CLMN: variants seen among roughly 807,000 people sequenced by gnomAD.
The protein encoded by CLMN is calmin (calponin-like, transmembrane).
CLMN carries 57 observed loss-of-function variants against 92.7 expected under a neutral mutation model. The ratio of observed to expected loss-of-function variants is 0.61; its 90% CI spans 0.50 to 0.77. The LOEUF (loss-of-function observed/expected upper bound fraction) is 0.77. Ranked by LOEUF, CLMN falls within the 30% of genes least tolerant of loss-of-function variation. The pLI, the probability that CLMN is intolerant of heterozygous loss-of-function variation, is 0.00. For missense variants in CLMN, 1,158 were observed against 1,237.5 expected (o/e 0.94, Z 0.96); for synonymous variants, 466 against 470.6 (o/e 0.99, Z 0.13).
intron 10 of CLMN, among the ~76,000 whole-genome samples, chr14:95,196,074 T>C (rs554942853): frequency 6.6e-6 from 1 of 152,346 alleles, no homozygotes; most frequent in Non-Finnish European, 1.5e-5. Context: ...ATTAATGGTC[T>C]CCTTGGTGGA....
At chr14:95,223,570 A>T (rs1308134112) in intron 3 of CLMN, among the ~76,000 whole-genome samples, 190 bp downstream of exon 3, 2 of 152,208 alleles carry the variant, frequency 1.3e-5, no homozygotes, top group African/African-American at 4.8e-5. Context: ...TTTCTAAAAT[A>T]CATTGGCTTA....
intron 1 of CLMN, among the ~76,000 whole-genome samples, chr14:95,249,732 C>G (rs1898710439): frequency 6.6e-6 from 1 of 152,142 alleles, no homozygotes; most frequent in Admixed American, 6.5e-5. Context: ...GCTGGGACTA[C>G]AGGCGTGCAC....
At chr14:95,261,624 C>T (rs139017502) in intron 1 of CLMN, among the ~76,000 whole-genome samples, 340 of 152,344 alleles carry the variant, frequency 2.2e-3, no homozygotes, top group African/African-American at 7.8e-3. Flanking sequence ...TGAGCAGTCA[C>T]TCTCAGCAGT....
Position 95,193,887 on chromosome 14 carries a change from T to C in CLMN, c.2802A>G (p.Ala934=), listed in dbSNP as rs766786664. The change falls in exon 12 of 13, where the codon GCA becomes GCG. Residue 934 remains alanine (A), a synonymous_variant. Coordinates refer to ENST00000298912, the MANE Select transcript of CLMN (RefSeq NM_024734.4). ...GGTTTCTTCTGTCATCCAGATCTGC[T>C]GCGTTCCTCAACTGAACATAGCTAA... is the stretch of plus-strand genomic sequence containing the variant. ...DHFSYVQLRN[A]ADLDDRRNRI... 6.2e-7 allele frequency: 1 copy of C among 1,614,178 alleles called. No individual in the cohort carries two copies. The highest frequency in any genetic ancestry group is 2.2e-5 in the East Asian group (1 of 44,876).
chr14:95,227,484 C>G (rs928097587), intron 2 of CLMN, among the ~76,000 whole-genome samples: 1 of 152,166 alleles, frequency 6.6e-6, no homozygotes, highest in African/African-American at 2.4e-5. Context: ...GCAGAAAACG[C>G]GAGACCCGAA....
At chr14:95,233,332 CACCCATCCATCCATCCACCT>C (rs1897947997) in intron 1 of CLMN, among the ~76,000 whole-genome samples, 1 of 151,936 alleles carries the variant, frequency 6.6e-6, no homozygotes. Context: ...TCCCTCCATC[CACCCATCCATCCATCCACCT>C]ACCCATCCAT....
At chr14:95,229,144 A>G (rs1897804417) in intron 2 of CLMN, among the ~76,000 whole-genome samples, 1 of 152,154 alleles carries the variant, frequency 6.6e-6, no homozygotes. Flanking sequence ...TCAACTTTCT[A>G]AAAAAGAGAA....
chr14:95,244,600 C>T (rs1898387303), intron 1 of CLMN, among the ~76,000 whole-genome samples: 1 of 152,160 alleles, frequency 6.6e-6, no homozygotes, highest in Non-Finnish European at 1.5e-5. Flanking sequence ...TTTCAGGCTG[C>T]TAAAAAATCC....
At chr14:95,288,886 C>A (rs1480762931) in intron 1 of CLMN, among the ~76,000 whole-genome samples, 16 of 152,212 alleles carry the variant, frequency 1.1e-4, no homozygotes, top group Admixed American at 1.0e-3. Context: ...AGAATTAACT[C>A]ACAACTTGCA....
intron 1 of CLMN, among the ~76,000 whole-genome samples, chr14:95,272,117 T>C (rs1899733221): frequency 6.6e-6 from 1 of 152,144 alleles, no homozygotes. Context: ...AAAAGAAAAA[T>C]GCCAAAGTGT....
rs186112965 is a variant in CLMN, at chr14:95,269,532, C to T, written c.83-39399G>A. The stretch of plus-strand genomic sequence containing the variant: ...GCTTTCCCCAGCTCATGAGCTGTGA[C>T]AAGGTCATTGTGCTTTATGTTCATA... On this transcript the variant is annotated intron_variant, in intron 1 of 12. Coordinates refer to ENST00000298912, the MANE Select transcript of CLMN (RefSeq NM_024734.4). Among the ~76,000 whole-genome samples, 23 of 152,338 alleles carry T rather than the reference C, an allele frequency of 1.5e-4. No homozygotes were observed. The East Asian group carries it at 4.2e-3, about 28-fold the overall frequency.
Position 95,255,655 on chromosome 14 carries a change from G to A in CLMN, c.83-25522C>T, listed in dbSNP as rs149353658. On this transcript the variant is annotated intron_variant, in intron 1 of 12. Transcript: ENST00000298912. ...CACAGCTTTCTGTCTGATTTCCATC[G>A]GGTCACCTTCCTTCCACCCTTTCAC... Among the ~76,000 whole-genome samples, 125 of 152,190 alleles carry A rather than the reference G, an allele frequency of 8.2e-4. 1 individual carries two copies. In the South Asian group the frequency reaches 0.015, roughly 18 times the overall value.
At chr14:95,201,900 G>T (rs755665603) in intron 9 of CLMN, among the ~76,000 whole-genome samples, 40 of 152,134 alleles carry the variant, frequency 2.6e-4, no homozygotes, top group Non-Finnish European at 4.0e-4. Flanking sequence ...CCCTGCAAAG[G>T]GCATGAACTC....
intron 4 of CLMN, among the ~76,000 whole-genome samples, chr14:95,217,775 C>T (rs546680326): frequency 6.6e-6 from 1 of 152,206 alleles, no homozygotes; most frequent in Non-Finnish European, 1.5e-5. Context: ...GCCCTGTAAG[C>T]TGAGGTTTCA....
intron 1 of CLMN, among the ~76,000 whole-genome samples, chr14:95,263,554 C>G (rs562088056): frequency 1.3e-5 from 2 of 152,102 alleles, no homozygotes; most frequent in Non-Finnish European, 2.9e-5. Context: ...GGAAAAGGAG[C>G]GGGAGGCATC....
chr14:95,221,532 C>T (rs1897538743), intron 4 of CLMN, among the ~76,000 whole-genome samples, 159 bp downstream of exon 4: 1 of 152,110 alleles, frequency 6.6e-6, no homozygotes, highest in Admixed American at 6.6e-5. Context: ...ACGGAGGGGT[C>T]ATCTGAGTGA....
intron 1 of CLMN, among the ~76,000 whole-genome samples, chr14:95,292,328 T>C (rs368001062): frequency 1.3e-5 from 2 of 152,172 alleles, no homozygotes; most frequent in South Asian, 2.1e-4. Context: ...CCAGAAACTA[T>C]GCTATTTTTA....
chr14:95,319,769 C>A lies in CLMN; in HGVS notation c.24G>T (p.Trp8Cys). 1 of 1,595,044 alleles carries A rather than the reference C, an allele frequency of 6.3e-7. No individual in the cohort carries two copies. Among genetic ancestry groups the A allele is most frequent in the Non-Finnish European group, 8.5e-7 (1 of 1,174,960 alleles). Residue 8 changes from tryptophan (W) to cysteine (C), a missense_variant, in exon 1 of 13, where the codon TGG (tryptophan) becomes TGT (cysteine). Transcript: ENST00000298912. MAAHEWD[W>C]FQREELIGQI... Reference sequence around the variant, plus strand: ...GCCCGATGAGCTCCTCGCGTTGGAACCAGTCCCACTCGTGTGCAGCCATGA... The same window carrying A: ...GCCCGATGAGCTCCTCGCGTTGGAAACAGTCCCACTCGTGTGCAGCCATGA...
intron 8 of CLMN, among the ~76,000 whole-genome samples, chr14:95,205,416 A>G (rs1897019829): frequency 1.3e-5 from 2 of 152,254 alleles, no homozygotes; most frequent in Non-Finnish European, 2.9e-5. Flanking sequence ...AGAATAACTA[A>G]TCTGTGCTAC....
Sources: allele counts gnomAD v4.1 joint callset (sites outside exome capture counted in the v4.1 genomes callset), GRCh38; gene constraint gnomAD v4.1.1; transcripts MANE v1.5; gene names NCBI Gene and HGNC (gene_info 2026-07-23, HGNC 2026-07-21).